The following RPSA2 variants were observed in gnomAD, a reference collection of about 807,000 sequenced individuals.
The protein encoded by RPSA2 is ribosomal protein SA 2.
the RPSA2 span, among the ~76,000 whole-genome samples, chr19:23,840,079 A>T: frequency 1.3e-5 from 2 of 151,016 alleles, no homozygotes; most frequent in South Asian, 4.2e-4. Context: ...CTCTCCTGAG[A>T]AGGAATCAGA....
chr19:23,838,268 T>A, the RPSA2 span, among the ~76,000 whole-genome samples: 2 of 146,816 alleles, frequency 1.4e-5, no homozygotes, highest in African/African-American at 5.1e-5. Context: ...TGTTAAACCA[T>A]CCCTGCATCT....
chr19:23,799,676 T>C, the RPSA2 span, among the ~76,000 whole-genome samples: 60,950 of 62,958 alleles, frequency 0.97, 29,752 homozygotes, highest in Middle Eastern at 1. Context: ...AGGAGAGAGG[T>C]ACTGCTTTAA....
chr19:23,868,282 G>A, the RPSA2 span, among the ~76,000 whole-genome samples: 2 of 152,174 alleles, frequency 1.3e-5, no homozygotes, highest in African/African-American at 4.8e-5. Flanking sequence ...CTATTAATCA[G>A]AGACATGCTA....
the RPSA2 span, among the ~76,000 whole-genome samples, chr19:23,805,121 GCACACACACACACA>G: frequency 1.4e-3 from 214 of 149,684 alleles, 2 homozygotes; most frequent in African/African-American, 4.0e-3. Context: ...AAAATAAAAA[GCACACACACACACA>G]CACACACACA....
the RPSA2 span, among the ~76,000 whole-genome samples, chr19:23,853,385 ATTC>A: frequency 9.9e-5 from 15 of 152,084 alleles, no homozygotes; most frequent in Non-Finnish European, 2.2e-4. Context: ...ACACATGAGA[ATTC>A]CAGGGGGGAA....
the RPSA2 span, among the ~76,000 whole-genome samples, chr19:23,853,096 G>A: frequency 1.3e-5 from 2 of 152,210 alleles, no homozygotes; most frequent in Non-Finnish European, 2.9e-5. Context: ...AGATGGTAGG[G>A]CTATTCAGCA....
At chr19:23,805,995 C>T in the RPSA2 span, among the ~76,000 whole-genome samples, 2 of 133,016 alleles carry the variant, frequency 1.5e-5, no homozygotes, top group Non-Finnish European at 3.1e-5. Context: ...GATTATCTAT[C>T]TGTCTGTCTA....
the RPSA2 span, chr19:23,832,478 C>A: frequency 4.0e-6 from 2 of 494,038 alleles, no homozygotes; most frequent in Non-Finnish European, 7.7e-6. Context: ...CCCAACAAAT[C>A]TATGTGGCAA....
At chr19:23,867,809 G>C in the RPSA2 span, among the ~76,000 whole-genome samples, 1 of 143,256 alleles carries the variant, frequency 7.0e-6, no homozygotes, top group Non-Finnish European at 1.5e-5. Flanking sequence ...CAGCCTGGGC[G>C]ACAGAGCGAG....
the RPSA2 span, among the ~76,000 whole-genome samples, chr19:23,762,574 G>A: frequency 6.6e-6 from 1 of 151,206 alleles, no homozygotes. Context: ...TACTCGGGAG[G>A]CTGAGGCAAG....
At chr19:23,848,358 T>C in the RPSA2 span, among the ~76,000 whole-genome samples, 1 of 152,134 alleles carries the variant, frequency 6.6e-6, no homozygotes, top group Admixed American at 6.5e-5. Flanking sequence ...TTACACATGA[T>C]TCTTTGACTG....
chr19:23,774,068 CTA>C, the RPSA2 span, among the ~76,000 whole-genome samples: 3 of 152,208 alleles, frequency 2.0e-5, no homozygotes, highest in Non-Finnish European at 4.4e-5. Context: ...GGATGTGACT[CTA>C]TTTTTCTGTG....
At chr19:23,869,864 T>C in the RPSA2 span, among the ~76,000 whole-genome samples, 1 of 152,238 alleles carries the variant, frequency 6.6e-6, no homozygotes, top group Non-Finnish European at 1.5e-5. Context: ...GTAAAGAATA[T>C]CACCACTCAA....
the RPSA2 span, among the ~76,000 whole-genome samples, chr19:23,778,289 C>T: frequency 1.3e-4 from 20 of 152,076 alleles, no homozygotes; most frequent in South Asian, 3.1e-3. Context: ...CTCGGCTAAC[C>T]GCAACCTCTG....
chr19:23,833,175 C>A, the RPSA2 span: 3 of 1,193,232 alleles, frequency 2.5e-6, no homozygotes, highest in East Asian at 5.3e-5. Context: ...TTTCCTGGTC[C>A]TCAGCCCTAA....
chr19:23,776,155 A>C, the RPSA2 span, among the ~76,000 whole-genome samples: 7 of 152,194 alleles, frequency 4.6e-5, no homozygotes, highest in Non-Finnish European at 1.5e-5. Flanking sequence ...CAGGATATGC[A>C]CAGGATTGTT....
the RPSA2 span, chr19:23,842,576 A>G: frequency 2.6e-5 from 4 of 153,206 alleles, no homozygotes; most frequent in Non-Finnish European, 5.9e-5. Flanking sequence ...GGCTGTGGCC[A>G]TAGAATTTTC....
chr19:23,797,140 C>T, the RPSA2 span, among the ~76,000 whole-genome samples: 154 of 151,362 alleles, frequency 1.0e-3, no homozygotes, highest in African/African-American at 3.2e-3. Flanking sequence ...GATGGATTTT[C>T]GCTCTTGCTG....
chr19:23,858,123 C>T, the RPSA2 span, among the ~76,000 whole-genome samples: 1 of 145,570 alleles, frequency 6.9e-6, no homozygotes, highest in Non-Finnish European at 1.5e-5. Context: ...TATATATAAA[C>T]ATGTTTTACT....
Sources: allele counts gnomAD v4.1 joint callset (sites outside exome capture counted in the v4.1 genomes callset), GRCh38; gene constraint gnomAD v4.1.1; transcripts MANE v1.5; gene names NCBI Gene and HGNC (gene_info 2026-07-23, HGNC 2026-07-21).